The following OTUD6B variants were observed in gnomAD, a reference collection of about 807,000 sequenced individuals.
OTUD6B encodes the protein deubiquitinase OTUD6B.
A neutral mutation model predicts 36.9 loss-of-function variants in OTUD6B; 41 were observed. That is an observed-to-expected ratio of 1.11 (90% CI 0.87 to 1.44). The LOEUF (loss-of-function observed/expected upper bound fraction) is 1.44. Among genes scored for constraint, OTUD6B ranks in the 40% most tolerant of loss-of-function variants. The probability of loss-of-function intolerance (pLI) is 0.00; values close to 1 mark genes in which losing one functional copy is unlikely to be tolerated. For synonymous variants in OTUD6B, 114 were observed against 114.2 expected (o/e 1.00, Z 0.01); for missense variants, 356 against 344.8 (o/e 1.03, Z -0.26).
intron 2 of OTUD6B, among the ~76,000 whole-genome samples, chr8:91,072,603 T>G (rs1279465109): frequency 2.6e-5 from 4 of 152,250 alleles, no homozygotes; most frequent in Non-Finnish European, 5.9e-5. Context: ...TCTTTAACTT[T>G]GTTAGTTATC....
chr8:91,080,505 A>G, intron 4 of OTUD6B, 164 bp from the exon 5 acceptor site: 1 of 916,372 alleles, frequency 1.1e-6, no homozygotes, highest in African/African-American at 1.8e-5. Flanking sequence ...GGGTGAATTA[A>G]GTTTGGACCT....
chr8:91,081,371 AAAAC>A (rs142822442), intron 5 of OTUD6B, among the ~76,000 whole-genome samples: 34 of 150,242 alleles, frequency 2.3e-4, no homozygotes, highest in South Asian at 1.3e-3. Flanking sequence ...TGTTTTGTTA[AAAAC>A]AAACAAACAA....
At chr8:91,070,971 C>G in intron 1 of OTUD6B, 167 bp from the exon 2 acceptor site, 1 of 842,426 alleles carries the variant, frequency 1.2e-6, no homozygotes, top group Non-Finnish European at 1.4e-6. Flanking sequence ...TTGGTCTCAG[C>G]TTTATCTGGG....
chr8:91,081,770 T>C (rs1290313818), intron 5 of OTUD6B, among the ~76,000 whole-genome samples: 1 of 152,180 alleles, frequency 6.6e-6, no homozygotes, highest in African/African-American at 2.4e-5. Flanking sequence ...GCAACATGAA[T>C]GTTGCCCCAA....
intron 3 of OTUD6B, among the ~76,000 whole-genome samples, chr8:91,074,234 G>T (rs1244683182): frequency 6.6e-6 from 1 of 152,138 alleles, no homozygotes; most frequent in African/African-American, 2.4e-5. Flanking sequence ...GAAGCTGGGA[G>T]TGGGAGTGCA....
At chr8:91,073,193 T>TA (rs1177074924) in intron 2 of OTUD6B, among the ~76,000 whole-genome samples, 1 of 152,198 alleles carries the variant, frequency 6.6e-6, no homozygotes, top group African/African-American at 2.4e-5. Flanking sequence ...TGGCTTACCT[T>TA]AGAGTTGCAG....
chr8:91,070,574 G>C (rs1812668479), intron 1 of OTUD6B, 108 bp downstream of exon 1: 2 of 1,050,084 alleles, frequency 1.9e-6, no homozygotes, highest in Non-Finnish European at 2.8e-6. Context: ...GATCACCCTA[G>C]ACTTCCCCTA....
chr8:91,070,576 C>T, intron 1 of OTUD6B, 110 bp downstream of exon 1: 1 of 1,029,544 alleles, frequency 9.7e-7, no homozygotes, highest in Non-Finnish European at 1.4e-6. Context: ...TCACCCTAGA[C>T]TTCCCCTAGT....
At chr8:91,083,134 A>G (rs1812940577) in intron 5 of OTUD6B, among the ~76,000 whole-genome samples, 1 of 152,158 alleles carries the variant, frequency 6.6e-6, no homozygotes, top group South Asian at 2.1e-4. Flanking sequence ...TATTTTAATC[A>G]AATAGAAATT....
At chr8:91,076,891 GTT>G (rs937933877) in intron 3 of OTUD6B, among the ~76,000 whole-genome samples, 17 of 152,148 alleles carry the variant, frequency 1.1e-4, no homozygotes, top group Non-Finnish European at 2.9e-5. Flanking sequence ...AATAGGCTAT[GTT>G]TTATTAGGGA....
intron 3 of OTUD6B, among the ~76,000 whole-genome samples, chr8:91,074,534 C>T (rs1350454327): frequency 6.6e-6 from 1 of 151,906 alleles, no homozygotes; most frequent in Admixed American, 6.6e-5. Context: ...GGAGGAGCAG[C>T]ATGCACAAAA....
At position 91,076,427 on chromosome 8, in the gene OTUD6B, T is replaced by A; in HGVS notation, c.316-1929T>A. 4.1e-6 allele frequency: 4 copies of A among 978,936 alleles called. No homozygotes were observed. In the South Asian group the frequency reaches 1.9e-4, roughly 46 times the overall value. The allele number at this position is 978,936 out of a possible 1,614,324, so 60.6% of individuals were successfully genotyped here. A position where few individuals can be genotyped will look rare whatever the true frequency, so the allele number is the denominator to read the frequency against. On this transcript the variant is annotated intron_variant, in intron 3 of 6. Transcript: ENST00000404789. Reference sequence around the variant, plus strand: ...CTGAAAAGGAAACTCAATTGCTTTGTTCTAATGAAGCAAAGCATGAAGGGA... The same window carrying A: ...CTGAAAAGGAAACTCAATTGCTTTGATCTAATGAAGCAAAGCATGAAGGGA...
chr8:91,073,413 A>G (rs1017388275), intron 2 of OTUD6B, among the ~76,000 whole-genome samples: 1 of 152,194 alleles, frequency 6.6e-6, no homozygotes, highest in Non-Finnish European at 1.5e-5. Context: ...AGTACTCATC[A>G]GGTTCTGGCT....
At chr8:91,075,325 T>C (rs1164756358) in intron 3 of OTUD6B, among the ~76,000 whole-genome samples, 2 of 152,136 alleles carry the variant, frequency 1.3e-5, no homozygotes, top group Admixed American at 6.5e-5. Flanking sequence ...CTAGCTTCTA[T>C]AGATCAAAAA....
At chr8:91,084,293 G>T (rs1353691995) in intron 6 of OTUD6B, among the ~76,000 whole-genome samples, 179 bp downstream of exon 6, 1 of 152,036 alleles carries the variant, frequency 6.6e-6, no homozygotes, top group African/African-American at 2.4e-5. Context: ...AACATTTTAG[G>T]ACTAGTTTGT....
rs1310805102 is a variant in OTUD6B at position 91,080,731 on chromosome 8, G to T, written c.690+1G>T. ...AGCTGCATGGGGAGGTCAGCTTGAG[G>T]TAAGTTTGTAGTTATTCATAGTGAT... On this transcript the variant is annotated splice_donor_variant, in intron 5 of 6. Coordinates refer to ENST00000404789, the MANE Select transcript of OTUD6B (RefSeq NM_016023.5). LOFTEE classifies it high-confidence loss of function. The T allele has an allele frequency of 1.3e-6, 2 of 1,594,184 alleles. No individual in the cohort carries two copies. Among genetic ancestry groups the T allele is most frequent in the Non-Finnish European group, 1.7e-6 (2 of 1,168,026 alleles).
Position 91,071,244 on chromosome 8 carries a change from T to G in OTUD6B, c.189T>G (p.His63Gln), listed in dbSNP as rs139732032. The G allele has an allele frequency of 8.7e-6, 14 of 1,613,728 alleles. No individual in the cohort carries two copies. The highest frequency in any genetic ancestry group is 8.0e-5 in the African/African-American group (6 of 74,978). The change falls in exon 2 of 7, where the codon CAT becomes CAG. Residue 63 changes from histidine (H) to glutamine (Q), a missense_variant. By Grantham distance (24) the His-to-Gln change is conservative. Transcript: ENST00000404789. Reference protein sequence around the residue: ...AKLEKEMEQKHREELEQLKLT... With the variant: ...AKLEKEMEQKQREELEQLKLT... ...TGGAAAAAGAAATGGAACAGAAACA[T>G]AGAGAGGAACTGGAGCAATTGAAGC...
chr8:91,081,244 A>G (rs1381784650), intron 5 of OTUD6B, among the ~76,000 whole-genome samples: 2 of 151,766 alleles, frequency 1.3e-5, no homozygotes, highest in Non-Finnish European at 1.5e-5. Context: ...GACTTACTTG[A>G]AAGCAGTAGT....
intron 5 of OTUD6B, among the ~76,000 whole-genome samples, chr8:91,082,387 T>G (rs1303951252): frequency 1.3e-5 from 2 of 151,994 alleles, no homozygotes; most frequent in African/African-American, 2.4e-5. Flanking sequence ...GATTTTTACT[T>G]TCTTTTTGAG....
Sources: gnomAD v4.1 joint callset for allele counts (sites outside exome capture counted in the v4.1 genomes callset) on GRCh38, gnomAD v4.1.1 for gene constraint, MANE v1.5 for transcripts, NCBI Gene and HGNC (gene_info 2026-07-23, HGNC 2026-07-21) for gene names.